Variants in MIPEP observed in about 807,000 individuals in gnomAD.
The protein encoded by MIPEP is mitochondrial intermediate peptidase.
MIPEP carries 79 observed loss-of-function variants against 90.3 expected under a neutral mutation model. The observed-to-expected ratio is 0.87, with a 90% confidence interval of 0.73 to 1.05. MIPEP has a LOEUF of 1.05. MIPEP is among the 50% of genes least tolerant of loss of function. MIPEP has a pLI of 0.00. For missense variants in MIPEP, 940 were observed against 905.6 expected, an observed-to-expected ratio of 1.04 and a Z score of -0.49; for synonymous variants, 334 against 315.8, an observed-to-expected ratio of 1.06 and a Z score of -0.61.
At chr13:23,854,511 G>A (rs1287637399) in intron 10 of MIPEP, among the ~76,000 whole-genome samples, 2 of 152,068 alleles carry the variant, frequency 1.3e-5, no homozygotes, top group African/African-American at 4.8e-5. Context: ...TTCATTATGT[G>A]AATGCGCTTG....
At chr13:23,791,817 T>C (rs1022828739) in intron 16 of MIPEP, among the ~76,000 whole-genome samples, 1 of 152,186 alleles carries the variant, frequency 6.6e-6, no homozygotes, top group African/African-American at 2.4e-5. Context: ...CTGCCTCCAA[T>C]TCTTCTCTCT....
At chr13:23,833,867 T>A (rs1378454806) in intron 14 of MIPEP, among the ~76,000 whole-genome samples, 2 of 152,038 alleles carry the variant, frequency 1.3e-5, no homozygotes, top group African/African-American at 4.8e-5. Flanking sequence ...GCTCTCACTT[T>A]GGCAGCGGCC....
chr13:23,787,193 G>C (rs1952851912), intron 16 of MIPEP, among the ~76,000 whole-genome samples: 2 of 152,170 alleles, frequency 1.3e-5, no homozygotes, highest in Non-Finnish European at 1.5e-5. Flanking sequence ...ATCTTAGTTT[G>C]GGCTGCTATA....
At chr13:23,761,801 C>A (rs908654567) in intron 16 of MIPEP, among the ~76,000 whole-genome samples, 1 of 152,214 alleles carries the variant, frequency 6.6e-6, no homozygotes, top group Admixed American at 6.5e-5. Context: ...TTTCTTCTGT[C>A]TTTATCTGAC....
At chr13:23,871,448 G>C (rs1197873937) in intron 5 of MIPEP, among the ~76,000 whole-genome samples, 6 of 152,150 alleles carry the variant, frequency 3.9e-5, no homozygotes, top group Non-Finnish European at 5.9e-5. Context: ...TCAAAAACTA[G>C]ACAGGCTCTG....
chr13:23,744,908 C>A (rs569792460), intron 18 of MIPEP, among the ~76,000 whole-genome samples: 1 of 152,144 alleles, frequency 6.6e-6, no homozygotes, highest in South Asian at 2.1e-4. Context: ...AAAAATAAAT[C>A]TAGTGTTGAA....
At chr13:23,742,711 T>C (rs1379484575) in intron 18 of MIPEP, among the ~76,000 whole-genome samples, 2 of 152,216 alleles carry the variant, frequency 1.3e-5, no homozygotes, top group African/African-American at 4.8e-5. Context: ...AGCTCATAAA[T>C]CACAGCTTTT....
At chr13:23,882,422 T>C (rs1355250315) in intron 2 of MIPEP, among the ~76,000 whole-genome samples, 2 of 152,184 alleles carry the variant, frequency 1.3e-5, no homozygotes, top group African/African-American at 2.4e-5. Flanking sequence ...TTGATTTAAC[T>C]ACATGGTAGT....
At position 23,841,493 on chromosome 13, in the gene MIPEP, G is replaced by C. The variant is rs768461090; in HGVS notation, c.1107-5C>G. 1.9e-6 allele frequency: 3 copies of C among 1,593,090 alleles called. No individual in the cohort carries two copies. In the Admixed American group the frequency reaches 5.6e-5, roughly 30 times the overall value. Reference sequence around the variant, plus strand: ...AGGCTGGGCTCAATATTATACCTAAGAGAAGGAAGAGAGGTTCAACAGCAT... The same window carrying C: ...AGGCTGGGCTCAATATTATACCTAACAGAAGGAAGAGAGGTTCAACAGCAT... On this transcript the variant is annotated splice_region_variant and splice_polypyrimidine_tract_variant and intron_variant, in intron 10 of 18. Transcript: ENST00000382172.
chr13:23,791,680 C>T (rs1203679016), intron 16 of MIPEP, among the ~76,000 whole-genome samples: 5 of 150,906 alleles, frequency 3.3e-5, no homozygotes, highest in African/African-American at 9.9e-5. Context: ...TTATTCACCT[C>T]GTTAAAAATC....
intron 18 of MIPEP, among the ~76,000 whole-genome samples, chr13:23,739,111 C>A (rs1183439055): frequency 1.3e-5 from 2 of 152,208 alleles, no homozygotes; most frequent in African/African-American, 4.8e-5. Flanking sequence ...AAATAGAAAA[C>A]AATTGTTTCA....
At chr13:23,847,033 C>T (rs1441764926) in intron 10 of MIPEP, among the ~76,000 whole-genome samples, 1 of 151,968 alleles carries the variant, frequency 6.6e-6, no homozygotes, top group Non-Finnish European at 1.5e-5. Flanking sequence ...AAGTAGAAGG[C>T]CTGAGACCAT....
At chr13:23,806,725 TATC>T (rs1953113613) in intron 15 of MIPEP, among the ~76,000 whole-genome samples, 4 of 141,190 alleles carry the variant, frequency 2.8e-5, no homozygotes, top group Non-Finnish European at 6.0e-5. Flanking sequence ...TATATCTATC[TATC>T]TATCTATCTA....
intron 16 of MIPEP, among the ~76,000 whole-genome samples, chr13:23,798,998 T>TG (rs1565997586): frequency 7.4e-6 from 1 of 135,434 alleles, no homozygotes; most frequent in African/African-American, 2.8e-5. Flanking sequence ...ATAATTTTTT[T>TG]GGTTTTTTTT....
intron 14 of MIPEP, among the ~76,000 whole-genome samples, chr13:23,816,135 TTC>T (rs1472261365): frequency 5.3e-5 from 8 of 152,230 alleles, no homozygotes; most frequent in Admixed American, 4.6e-4. Context: ...GGTATATTCT[TTC>T]TGATTGTTTG....
intron 18 of MIPEP, among the ~76,000 whole-genome samples, chr13:23,752,020 A>C (rs1190435111): frequency 3.3e-5 from 5 of 152,170 alleles, no homozygotes; most frequent in African/African-American, 1.2e-4. Flanking sequence ...GGTCACTTTC[A>C]TGTCAGAATG....
At chr13:23,825,306 T>A (rs1207877035) in intron 14 of MIPEP, among the ~76,000 whole-genome samples, 1 of 152,234 alleles carries the variant, frequency 6.6e-6, no homozygotes, top group Non-Finnish European at 1.5e-5. Flanking sequence ...CTAGTTGCAC[T>A]GTCATGTTTA....
chr13:23,839,605 T>C, intron 12 of MIPEP, 44 bp downstream of exon 12: 1 of 1,305,190 alleles, frequency 7.7e-7, no homozygotes, highest in South Asian at 1.6e-5. Context: ...ACAAATGAAA[T>C]GCCGATCGGT....
At chr13:23,770,428 G>A (rs757193963) in intron 16 of MIPEP, among the ~76,000 whole-genome samples, 4 of 152,174 alleles carry the variant, frequency 2.6e-5, no homozygotes, top group African/African-American at 9.7e-5. Flanking sequence ...TAAAAAAAGG[G>A]GAGGGGGTCA....
Sources: allele counts gnomAD v4.1 joint callset (sites outside exome capture counted in the v4.1 genomes callset), GRCh38; gene constraint gnomAD v4.1.1; transcripts MANE v1.5; gene names NCBI Gene and HGNC (gene_info 2026-07-23, HGNC 2026-07-21).